MRPS31: variants seen among roughly 807,000 people sequenced by gnomAD.
MRPS31 encodes the protein mitochondrial ribosomal protein S31, also known as small ribosomal subunit protein mS31.
A neutral mutation model predicts 43.1 loss-of-function variants in MRPS31; 32 were observed. The ratio of observed to expected loss-of-function variants is 0.74; its 90% CI spans 0.56 to 1.00. The LOEUF is 1.00. MRPS31 is among the 50% of genes least tolerant of loss of function. The probability of loss-of-function intolerance (pLI) is 0.00; values close to 1 mark genes in which losing one functional copy is unlikely to be tolerated. For missense variants in MRPS31, 437 were observed against 466.7 expected (o/e 0.94, Z 0.59); for synonymous variants, 165 against 161.6 (o/e 1.02, Z -0.16).
chr13:40,770,850 A>G, intron 1 of MRPS31, 135 bp downstream of exon 1: 2 of 1,184,526 alleles, frequency 1.7e-6, no homozygotes, highest in South Asian at 2.7e-5. Flanking sequence ...ACCTTGGGCA[A>G]GTCATCTTTT....
rs967016707 is a variant in MRPS31 at position 40,761,146 on chromosome 13, T to C, written c.441-2040A>G. 3.3e-5 allele frequency among the ~76,000 whole-genome samples: 5 copies of C among 151,316 alleles called. No individual in the cohort carries two copies. The South Asian group carries it at 6.3e-4, about 19-fold the overall frequency. On this transcript the variant is annotated intron_variant, in intron 2 of 6. Coordinates refer to ENST00000323563, the MANE Select transcript of MRPS31 (RefSeq NM_005830.4). Reference sequence around the variant, plus strand: ...AGCCAGGTGTGGTGGCATGTGCCTATAGTCCCAGCTACTGGTGAGGCTGAG... The same window carrying C: ...AGCCAGGTGTGGTGGCATGTGCCTACAGTCCCAGCTACTGGTGAGGCTGAG...
chr13:40,744,682 C>T (rs1207083437), intron 6 of MRPS31, among the ~76,000 whole-genome samples: 1 of 152,100 alleles, frequency 6.6e-6, no homozygotes, highest in Non-Finnish European at 1.5e-5. Flanking sequence ...TTCACAATAG[C>T]AAAGACATTA....
At chr13:40,758,513 G>A (rs1880598622) in intron 3 of MRPS31, among the ~76,000 whole-genome samples, 2 of 152,302 alleles carry the variant, frequency 1.3e-5, no homozygotes, top group South Asian at 4.1e-4. Context: ...ATAAAATAAT[G>A]AGAGATGAAG....
chr13:40,739,457 C>A (rs932850218), intron 6 of MRPS31, among the ~76,000 whole-genome samples: 2 of 152,066 alleles, frequency 1.3e-5, no homozygotes, highest in Non-Finnish European at 2.9e-5. Context: ...TCATATGGAA[C>A]CAAAAAAGAG....
intron 2 of MRPS31, among the ~76,000 whole-genome samples, chr13:40,760,905 C>A (rs930970545): frequency 2.6e-5 from 4 of 151,872 alleles, no homozygotes; most frequent in African/African-American, 7.3e-5. Context: ...TCCTGAAGTT[C>A]TTGGAGAAAG....
At chr13:40,739,965 TGCACA>T (rs1271625431) in intron 6 of MRPS31, among the ~76,000 whole-genome samples, 1 of 149,478 alleles carries the variant, frequency 6.7e-6, no homozygotes, top group Non-Finnish European at 1.5e-5. Flanking sequence ...AAAGAGCTTC[TGCACA>T]GCAAAAGAAA....
chr13:40,769,373 CATATATATATATATATATATATATAT>C (rs201190639), intron 1 of MRPS31, among the ~76,000 whole-genome samples: 2,211 of 65,638 alleles, frequency 0.034, 126 homozygotes, highest in African/African-American at 0.071. Flanking sequence ...AGACTCTGTC[CATATATATATATATATATATATATAT>C]ATATATATAT....
chr13:40,767,120 T>A (rs1880873303), intron 1 of MRPS31, 87 bp from the exon 2 acceptor site: 1 of 1,090,740 alleles, frequency 9.2e-7, no homozygotes, highest in East Asian at 2.7e-5. Flanking sequence ...AGTAAAAAAC[T>A]ATGTATCTAA....
chr13:40,734,311 T>C (rs575915400), intron 6 of MRPS31, among the ~76,000 whole-genome samples: 1 of 152,096 alleles, frequency 6.6e-6, no homozygotes, highest in African/African-American at 2.4e-5. Context: ...GTATCCAACA[T>C]AGAAGGGACA....
At chr13:40,749,420 G>A (rs1435120534) in intron 5 of MRPS31, 139 bp from the exon 6 acceptor site, 1 of 532,526 alleles carries the variant, frequency 1.9e-6, no homozygotes, top group Admixed American at 4.4e-5. Flanking sequence ...AAAAGTTACT[G>A]AGAGATAACT....
chr13:40,734,862 C>T (rs1482645373), intron 6 of MRPS31, among the ~76,000 whole-genome samples: 11 of 152,196 alleles, frequency 7.2e-5, no homozygotes, highest in Admixed American at 3.9e-4. Context: ...TGCCACTGCA[C>T]TCCAGTCTGG....
Position 40,744,857 on chromosome 13 carries a change from G to A in MRPS31, c.958+4281C>T, listed in dbSNP as rs140752758. On this transcript the variant is annotated intron_variant, in intron 6 of 6. Coordinates refer to ENST00000323563, the MANE Select transcript of MRPS31 (RefSeq NM_005830.4). ...TCAAACTCTTTACCTGAGGTGATCC[G>A]CCCACCTCGGCCTCCCAAAGTGCTG... 5.2e-3 allele frequency among the ~76,000 whole-genome samples: 783 copies of A among 151,718 alleles called. 6 individuals carry two copies. Among genetic ancestry groups the A allele is most frequent in the East Asian group, 0.027 (137 of 5,134 alleles).
intron 6 of MRPS31, among the ~76,000 whole-genome samples, chr13:40,745,130 C>G (rs1354793740): frequency 6.6e-6 from 1 of 150,926 alleles, no homozygotes; most frequent in African/African-American, 2.4e-5. Flanking sequence ...TCATGTTGAC[C>G]AGTCTGGTCT....
intron 4 of MRPS31, among the ~76,000 whole-genome samples, chr13:40,755,051 T>C (rs1173843738): frequency 6.6e-6 from 1 of 152,120 alleles, no homozygotes; most frequent in Non-Finnish European, 1.5e-5. Flanking sequence ...AAATAAAAAA[T>C]AATAAACTGG....
chr13:40,752,944 A>G (rs1389600879), intron 5 of MRPS31, among the ~76,000 whole-genome samples: 2 of 152,186 alleles, frequency 1.3e-5, no homozygotes, highest in Non-Finnish European at 2.9e-5. Context: ...TATGTTGCCC[A>G]GGCTGGTCTT....
chr13:40,750,586 C>T (rs1371656244), intron 5 of MRPS31, among the ~76,000 whole-genome samples: 23 of 151,762 alleles, frequency 1.5e-4, no homozygotes, highest in Non-Finnish European at 2.8e-4. Flanking sequence ...TATCCCTTGG[C>T]TACCTTTTCC....
At chr13:40,750,431 G>A (rs1030406395) in intron 5 of MRPS31, among the ~76,000 whole-genome samples, 4 of 151,990 alleles carry the variant, frequency 2.6e-5, no homozygotes, top group Non-Finnish European at 5.9e-5. Context: ...GGAGGGTCAT[G>A]AAAATGTTTA....
intron 6 of MRPS31, among the ~76,000 whole-genome samples, chr13:40,743,203 T>C (rs1304553108): frequency 6.6e-6 from 1 of 151,446 alleles, no homozygotes; most frequent in Non-Finnish European, 1.5e-5. Context: ...TCATTCCAAC[T>C]AACTGGAAGG....
chr13:40,755,067 T>C (rs1880494134), intron 4 of MRPS31, among the ~76,000 whole-genome samples: 1 of 152,222 alleles, frequency 6.6e-6, no homozygotes, highest in Non-Finnish European at 1.5e-5. Flanking sequence ...ACTGGAGGGT[T>C]AGTTTTAAAA....
Sources: allele counts gnomAD v4.1 joint callset (sites outside exome capture counted in the v4.1 genomes callset), GRCh38; gene constraint gnomAD v4.1.1; transcripts MANE v1.5; gene names NCBI Gene and HGNC (gene_info 2026-07-23, HGNC 2026-07-21).